Variants in PLCB4 observed in about 807,000 individuals in gnomAD.
PLCB4 encodes the protein phospholipase C beta 4.
A neutral mutation model predicts 178.8 loss-of-function variants in PLCB4; 77 were observed. The observed-to-expected ratio is 0.43, with a 90% confidence interval of 0.36 to 0.52. The LOEUF (loss-of-function observed/expected upper bound fraction) is 0.52. PLCB4 is among the 20% of genes least tolerant of loss of function. PLCB4 has a pLI of 0.00. For synonymous variants in PLCB4, 496 were observed against 490.8 expected (o/e 1.01, Z -0.14); for missense variants, 1,024 against 1,453.4 (o/e 0.70, Z 4.80).
chr20:9,192,348 T>A (rs1362455478), intron 2 of PLCB4, among the ~76,000 whole-genome samples: 2 of 152,158 alleles, frequency 1.3e-5, no homozygotes, highest in Non-Finnish European at 2.9e-5. Context: ...TTGAGAATAA[T>A]CAGTGCCAAG....
intron 33 of PLCB4, among the ~76,000 whole-genome samples, chr20:9,457,064 C>T (rs1006606344): frequency 3.3e-4 from 50 of 152,176 alleles, no homozygotes; most frequent in Non-Finnish European, 4.4e-4. Context: ...CACTTCAAGT[C>T]TGAGGACCTA....
chr20:9,276,885 G>A (rs1211009601), intron 3 of PLCB4, among the ~76,000 whole-genome samples: 2 of 152,048 alleles, frequency 1.3e-5, no homozygotes, highest in Non-Finnish European at 2.9e-5. Context: ...TGCAGTGAGT[G>A]ATGATTGTAA....
chr20:9,375,765 TC>T (rs1353605577), intron 12 of PLCB4, among the ~76,000 whole-genome samples: 7 of 152,058 alleles, frequency 4.6e-5, no homozygotes, highest in African/African-American at 1.7e-4. Flanking sequence ...TATAAACAAT[TC>T]CACGGAAAAA....
In PLCB4 at chr20:9,384,300, C is replaced by T. The variant is rs751524868; in HGVS notation, c.953C>T (p.Pro318Leu). Residue 318 changes from proline (P) to leucine (L), a missense_variant, in exon 14 of 40, where the codon CCT (proline) becomes CTT (leucine). By Grantham distance (98) the Pro-to-Leu change is moderately conservative (BLOSUM62 -3). Transcript: ENST00000378473. ...RLELYQEMDH[P>L]LAHYFISSSH... ...GAACTTTACCAAGAAATGGACCATC[C>T]TCTGGCTCACTACTTCATCAGTTCT... is the stretch of plus-strand genomic sequence containing the variant. The T allele has an allele frequency of 6.2e-7, 1 of 1,613,952 alleles. No homozygotes were observed. The highest frequency in any genetic ancestry group is 1.7e-5 in the Admixed American group (1 of 60,022).
chr20:9,444,990 C>G (rs1455173951), intron 32 of PLCB4, among the ~76,000 whole-genome samples: 1 of 152,062 alleles, frequency 6.6e-6, no homozygotes, highest in Non-Finnish European at 1.5e-5. Flanking sequence ...TGCCCAGTAG[C>G]CTACTTCTGA....
Position 9,203,731 on chromosome 20 carries a change from A to T in PLCB4, c.-78-13659A>T, listed in dbSNP as rs557896992. 2.1e-5 allele frequency among the ~76,000 whole-genome samples: 3 copies of T among 145,818 alleles called. No homozygotes were observed. The South Asian group carries it at 6.6e-4, about 32-fold the overall frequency. ...ATATTCTCAAAGATAGGTTTCTCTC[A>T]CTCCCAAAACCACTCTATATTCCGA... On this transcript the variant is annotated intron_variant, in intron 2 of 39. Coordinates refer to ENST00000378473, the MANE Select transcript of PLCB4 (RefSeq NM_001377142.1).
intron 1 of PLCB4, among the ~76,000 whole-genome samples, chr20:9,078,783 A>G (rs1352993190): frequency 2.0e-5 from 3 of 152,216 alleles, no homozygotes; most frequent in Non-Finnish European, 4.4e-5. Context: ...GTTATTAATG[A>G]TATGAAGTAA....
In PLCB4 at chr20:9,159,008, A is replaced by G. The variant is rs990674941; in HGVS notation, c.-78-58382A>G. ...TACTGTTTTTAGAATTATCTTAGGG[A>G]AAGTGAAGCAGAAAGATGTTTAAAT... On this transcript the variant is annotated intron_variant, in intron 2 of 39. Transcript: ENST00000378473. Among the ~76,000 whole-genome samples the G allele has an allele frequency of 2.0e-5, 3 of 152,200 alleles. No homozygotes were observed. The South Asian group carries it at 6.2e-4, about 32-fold the overall frequency.
At chr20:9,450,658 C>CTTTTTTTTTTTTTTTTTTTT (rs60982044) in intron 32 of PLCB4, among the ~76,000 whole-genome samples, 1 of 100,248 alleles carries the variant, frequency 1.0e-5, no homozygotes, top group African/African-American at 3.6e-5. Context: ...CTTTTCTTTT[C>CTTTTTTTTTTTTTTTTTTTT]TTTTTTTTTT....
intron 5 of PLCB4, 126 bp downstream of exon 5, chr20:9,337,332 T>C (rs2032600172): frequency 3.0e-6 from 2 of 670,744 alleles, no homozygotes; most frequent in Non-Finnish European, 2.7e-6. Context: ...TTTTTAAAAA[T>C]GTGCCTACAT....
intron 1 of PLCB4, among the ~76,000 whole-genome samples, chr20:9,078,489 C>T (rs115991563): frequency 1.8e-3 from 280 of 151,804 alleles, no homozygotes; most frequent in African/African-American, 6.4e-3. Context: ...CTGGTTCAAG[C>T]GATTCTGGGT....
In PLCB4 at chr20:9,423,855, A is replaced by G; in HGVS notation, c.2427A>G (p.Arg809=). Residue 809 remains arginine (R), a synonymous_variant, in exon 28 of 40, where the codon CGA becomes CGG. Transcript: ENST00000378473. ...TTGATGGCCTCCAAGCCGGATATCG[A>G]CACATTTCCCTTCGAAATGAGGGAA... ...LPLDGLQAGY[R]HISLRNEGNK... 1 of 1,613,818 alleles carries G rather than the reference A, an allele frequency of 6.2e-7. No individual in the cohort carries two copies. Among genetic ancestry groups the G allele is most frequent in the Non-Finnish European group, 8.5e-7 (1 of 1,179,720 alleles).
intron 32 of PLCB4, among the ~76,000 whole-genome samples, chr20:9,451,441 G>T (rs1227348334): frequency 6.6e-6 from 1 of 152,132 alleles, no homozygotes; most frequent in Non-Finnish European, 1.5e-5. Flanking sequence ...CCTGCAGAAA[G>T]CCCCTTATTT....
intron 19 of PLCB4, among the ~76,000 whole-genome samples, chr20:9,399,349 T>C (rs2038854138): frequency 6.6e-6 from 1 of 152,244 alleles, no homozygotes; most frequent in African/African-American, 2.4e-5. Context: ...GTTGCCTCAG[T>C]AATACTTGGC....
chr20:9,175,504 C>T (rs907647868), intron 2 of PLCB4, among the ~76,000 whole-genome samples: 3 of 152,138 alleles, frequency 2.0e-5, no homozygotes, highest in Admixed American at 2.0e-4. Flanking sequence ...AGAAATAGTC[C>T]TTCTTAGTTT....
chr20:9,359,295 A>G (rs1015213449), intron 7 of PLCB4, among the ~76,000 whole-genome samples: 1 of 152,152 alleles, frequency 6.6e-6, no homozygotes, highest in Non-Finnish European at 1.5e-5. Context: ...TGGGGTGGTG[A>G]AAATAAATTT....
chr20:9,242,852 C>T (rs893105788), intron 3 of PLCB4, among the ~76,000 whole-genome samples: 10 of 152,028 alleles, frequency 6.6e-5, no homozygotes, highest in South Asian at 4.1e-4. Flanking sequence ...TAGGCATCTG[C>T]GAGTTAACAG....
intron 19 of PLCB4, among the ~76,000 whole-genome samples, chr20:9,398,218 C>T (rs949734309): frequency 3.3e-5 from 5 of 152,108 alleles, no homozygotes; most frequent in African/African-American, 9.7e-5. Context: ...TTTTATTCAT[C>T]GAAGCAGTCT....
intron 32 of PLCB4, among the ~76,000 whole-genome samples, chr20:9,449,107 C>T (rs142060564): frequency 2.0e-5 from 3 of 152,140 alleles, no homozygotes; most frequent in East Asian, 3.9e-4. Context: ...CACTTCAATT[C>T]GAAATGGAAA....
Sources: allele counts gnomAD v4.1 joint callset (sites outside exome capture counted in the v4.1 genomes callset), GRCh38; gene constraint gnomAD v4.1.1; transcripts MANE v1.5; gene names NCBI Gene and HGNC (gene_info 2026-07-23, HGNC 2026-07-21).